CCDC138: variants seen among roughly 807,000 people sequenced by gnomAD.
CCDC138 encodes the protein coiled-coil domain containing 138.
Under a neutral mutation model 82.3 loss-of-function variants are expected in CCDC138, and 66 were observed. That is an observed-to-expected ratio of 0.80 (90% CI 0.66 to 0.98). The LOEUF (loss-of-function observed/expected upper bound fraction) is 0.98, where lower values mean the gene tolerates loss of function less well. Ranked by LOEUF, CCDC138 falls within the 50% of genes least tolerant of loss-of-function variation. The pLI is 0.00. For synonymous variants in CCDC138, 297 were observed against 265.4 expected, an observed-to-expected ratio of 1.12 and a Z score of -1.16; for missense variants, 816 against 758.9, an observed-to-expected ratio of 1.08 and a Z score of -0.88.
At position 108,795,598 on chromosome 2, in the gene CCDC138, G is replaced by A. The variant is rs552420685; in HGVS notation, c.576+877G>A. Among the ~76,000 whole-genome samples the A allele has an allele frequency of 6.6e-4, 101 of 152,248 alleles. 1 individual carries two copies. The highest frequency in any genetic ancestry group is 1.1e-3 in the Non-Finnish European group (78 of 68,006). ...AGCATTTCTTTAAAACCAGTATTTC[G>A]TTTTGTCAAAGTAATTCAGATTGTA... is the stretch of plus-strand genomic sequence containing the variant. On this transcript the variant is annotated intron_variant, in intron 5 of 14. Transcript: ENST00000295124.
chr2:108,862,201 A>C (rs1326449053), intron 13 of CCDC138, among the ~76,000 whole-genome samples: 1 of 152,056 alleles, frequency 6.6e-6, no homozygotes, highest in Non-Finnish European at 1.5e-5. Flanking sequence ...CACTTAAAAA[A>C]AAAACAAAAC....
At chr2:108,821,435 G>A (rs974436458) in intron 10 of CCDC138, among the ~76,000 whole-genome samples, 2 of 152,154 alleles carry the variant, frequency 1.3e-5, no homozygotes. Flanking sequence ...ATTGTATTCA[G>A]TTGGCATTAT....
rs1222791169 is a variant in CCDC138, at chr2:108,815,934, C to T, written c.1042-7C>T. On this transcript the variant is annotated splice_polypyrimidine_tract_variant and splice_region_variant and intron_variant, in intron 9 of 14. Transcript: ENST00000295124. ...CTGAAATAAATGATTTAATTTTTGA[C>T]ATATAGGTACCACTTAATGGGCAAG... 4.1e-5 allele frequency: 65 copies of T among 1,592,084 alleles called. No individual in the cohort carries two copies. The highest frequency in any genetic ancestry group is 5.5e-5 in the Non-Finnish European group (65 of 1,171,818).
chr2:108,801,126 C>G (rs1681893211), intron 6 of CCDC138, among the ~76,000 whole-genome samples: 1 of 38,780 alleles, frequency 2.6e-5, no homozygotes, highest in African/African-American at 8.3e-5. Context: ...GATTTATAGT[C>G]CTTTGGGTAT....
At chr2:108,813,369 A>G (rs1477808998) in intron 9 of CCDC138, among the ~76,000 whole-genome samples, 2 of 151,566 alleles carry the variant, frequency 1.3e-5, no homozygotes, top group African/African-American at 2.4e-5. Context: ...TTTGCTATGG[A>G]AGGGATTCAC....
intron 10 of CCDC138, among the ~76,000 whole-genome samples, chr2:108,836,680 T>A (rs183085437): frequency 1.2e-3 from 180 of 152,360 alleles, no homozygotes; most frequent in African/African-American, 4.3e-3. Context: ...AATACCATGT[T>A]TTCTAACCCA....
intron 4 of CCDC138, among the ~76,000 whole-genome samples, chr2:108,793,180 A>T (rs1336451285): frequency 6.7e-6 from 1 of 149,916 alleles, no homozygotes; most frequent in African/African-American, 2.5e-5. Context: ...ACACGGTGAA[A>T]CCCTGTCTCT....
At chr2:108,791,914 G>T (rs965768969) in intron 4 of CCDC138, 112 bp downstream of exon 4, 1 of 1,096,972 alleles carries the variant, frequency 9.1e-7, no homozygotes, top group African/African-American at 1.6e-5. Flanking sequence ...ATATTTCTGT[G>T]TTCTGAACTT....
chr2:108,880,544 C>G (rs771139644), downstream of CCDC138, among the ~76,000 whole-genome samples: 2 of 152,166 alleles, frequency 1.3e-5, no homozygotes, highest in Non-Finnish European at 2.9e-5. Context: ...GACAGGCTGA[C>G]TCTCTTGTTA....
chr2:108,788,701 C>CAT, intron 2 of CCDC138, 151 bp from the exon 3 acceptor site: 1 of 1,059,662 alleles, frequency 9.4e-7, no homozygotes, highest in Admixed American at 3.0e-5. Context: ...GCCTGGGTGA[C>CAT]AGAGCGAGAC....
chr2:108,849,031 C>G (rs981447956), intron 12 of CCDC138, among the ~76,000 whole-genome samples: 1 of 151,872 alleles, frequency 6.6e-6, no homozygotes, highest in East Asian at 1.9e-4. Context: ...ATGGAAGATA[C>G]GGGATAAAAA....
chr2:108,820,316 G>C (rs1030879631), intron 10 of CCDC138, among the ~76,000 whole-genome samples: 1 of 152,192 alleles, frequency 6.6e-6, no homozygotes, highest in African/African-American at 2.4e-5. Context: ...AGTGACGACA[G>C]TCTGAGGGAC....
downstream of CCDC138, among the ~76,000 whole-genome samples, chr2:108,879,192 G>A (rs992394440): frequency 7.9e-5 from 12 of 152,166 alleles, no homozygotes; most frequent in African/African-American, 2.9e-4. Flanking sequence ...GACTGGTCTT[G>A]AACTCCTGAG....
chr2:108,794,250 T>A (rs1485160698), intron 4 of CCDC138, among the ~76,000 whole-genome samples: 2 of 152,308 alleles, frequency 1.3e-5, no homozygotes, highest in Non-Finnish European at 2.9e-5. Context: ...AAGGTTGCTT[T>A]CCATTTCTTG....
intron 3 of CCDC138, among the ~76,000 whole-genome samples, chr2:108,791,094 T>G (rs1015327415): frequency 6.6e-6 from 1 of 152,160 alleles, no homozygotes; most frequent in African/African-American, 2.4e-5. Flanking sequence ...GATTACATGT[T>G]GAAATGATAA....
chr2:108,861,276 ACACT>A (rs904723178), intron 13 of CCDC138, among the ~76,000 whole-genome samples: 2 of 151,586 alleles, frequency 1.3e-5, no homozygotes, highest in African/African-American at 4.8e-5. Flanking sequence ...TTTCAAAAAA[ACACT>A]TTTTCATTTC....
intron 1 of CCDC138, among the ~76,000 whole-genome samples, chr2:108,787,178 C>A (rs888703881): frequency 1.3e-5 from 2 of 151,952 alleles, no homozygotes; most frequent in East Asian, 1.9e-4. Flanking sequence ...TGCTATTCAG[C>A]TTTTTTTTGC....
intron 13 of CCDC138, among the ~76,000 whole-genome samples, chr2:108,857,465 C>T (rs1284948432): frequency 1.3e-5 from 2 of 152,092 alleles, no homozygotes; most frequent in Admixed American, 6.6e-5. Flanking sequence ...CAGGGATTCC[C>T]CAGCTAAACA....
rs536652714 is a variant in CCDC138 at position 108,873,876 on chromosome 2, CT to C, written c.1832+290del. On this transcript the variant is annotated intron_variant, in intron 14 of 14. Transcript: ENST00000295124. ...CAGGTTGGACAAGCTTGATTTAGAC[CT>C]TTCTGAATCCCATGCTACTTAAGCT... Among the ~76,000 whole-genome samples, 3 of 152,224 alleles carry C rather than the reference CT, an allele frequency of 2.0e-5. No homozygotes were observed. In the South Asian group the frequency reaches 6.2e-4, roughly 32 times the overall value.
Sources: allele counts gnomAD v4.1 joint callset (sites outside exome capture counted in the v4.1 genomes callset), GRCh38; gene constraint gnomAD v4.1.1; transcripts MANE v1.5; gene names NCBI Gene and HGNC (gene_info 2026-07-23, HGNC 2026-07-21).